The following SULT4A1 variants were observed in gnomAD, a reference collection of about 807,000 sequenced individuals.
The protein encoded by SULT4A1 is sulfotransferase 4A1.
SULT4A1 carries 11 observed loss-of-function variants against 35.2 expected under a neutral mutation model. The ratio of observed to expected loss-of-function variants is 0.31; its 90% confidence interval spans 0.20 to 0.52. The LOEUF (loss-of-function observed/expected upper bound fraction) is 0.52. Among genes scored for constraint, SULT4A1 ranks in the 20% least tolerant of loss-of-function variants. SULT4A1 has a pLI of 0.97. For missense variants in SULT4A1, 271 were observed against 383.7 expected (o/e 0.71, Z 2.45); for synonymous variants, 152 against 151.8 (o/e 1.00, Z -0.01).
chr22:43,862,071 G>T, intron 1 of SULT4A1, 143 bp downstream of exon 1: 1 of 196,080 alleles, frequency 5.1e-6, no homozygotes, highest in South Asian at 1.7e-4. Context: ...TCCGAGCATC[G>T]GGAGAGCGGT....
intron 1 of SULT4A1, among the ~76,000 whole-genome samples, chr22:43,854,884 C>T (rs1603409910): frequency 6.6e-6 from 1 of 152,340 alleles, no homozygotes; most frequent in East Asian, 1.9e-4. Flanking sequence ...TACGAAAGCA[C>T]ACCCGCTCAC....
At chr22:43,837,279 G>A (rs2063385041) in intron 4 of SULT4A1, among the ~76,000 whole-genome samples, 1 of 152,234 alleles carries the variant, frequency 6.6e-6, no homozygotes, top group African/African-American at 2.4e-5. Flanking sequence ...CTCAGTGGAG[G>A]ATGGGTCTGT....
At chr22:43,848,383 T>G (rs2063489713) in intron 1 of SULT4A1, among the ~76,000 whole-genome samples, 1 of 152,214 alleles carries the variant, frequency 6.6e-6, no homozygotes. Context: ...CGCCACAGTC[T>G]CACAGCAAAC....
At chr22:43,833,170 G>A (rs775123717) in intron 5 of SULT4A1, among the ~76,000 whole-genome samples, 5 of 151,930 alleles carry the variant, frequency 3.3e-5, no homozygotes, top group African/African-American at 9.7e-5. Context: ...CCTCTGCCTG[G>A]ACTAAGACCT....
rs573185801 is a variant in SULT4A1, at chr22:43,855,185, G to A, written c.169+7029C>T. Among the ~76,000 whole-genome samples, 9 of 152,350 alleles carry A rather than the reference G, an allele frequency of 5.9e-5. No individual in the cohort carries two copies. In the East Asian group the frequency reaches 9.7e-4, roughly 16 times the overall value. The stretch of plus-strand genomic sequence containing the variant: ...GGCACCACCCAAAGCCAGGCCCATT[G>A]GAAGGAGGTGGCAGCGCAGGGAGAT... On this transcript the variant is annotated intron_variant, in intron 1 of 6. Transcript: ENST00000330884.
chr22:43,852,229 C>T (rs999286694), intron 1 of SULT4A1, among the ~76,000 whole-genome samples: 1 of 152,138 alleles, frequency 6.6e-6, no homozygotes, highest in African/African-American at 2.4e-5. Context: ...GTGGCTCAGG[C>T]TGAACATGGC....
rs558001800 is a variant in SULT4A1 at position 43,829,370 on chromosome 22, C to T, written c.604-172G>A. Among the ~76,000 whole-genome samples, 14 of 152,346 alleles carry T rather than the reference C, an allele frequency of 9.2e-5. No individual in the cohort carries two copies. The South Asian group carries it at 1.9e-3, about 20-fold the overall frequency. On this transcript the variant is annotated intron_variant, in intron 5 of 6. Coordinates refer to ENST00000330884, the MANE Select transcript of SULT4A1 (RefSeq NM_014351.4). ...AAATAACACTAAGAGGTTAAGAAAT[C>T]GCCCAAGTGTGCTCAGCTCTCACGT... is the stretch of plus-strand genomic sequence containing the variant.
At chr22:43,840,105 C>G (rs2148288655) in intron 2 of SULT4A1, 80 bp from the exon 3 acceptor site, 5 of 936,722 alleles carry the variant, frequency 5.3e-6, no homozygotes, top group South Asian at 3.3e-5. Flanking sequence ...GGAAGGGGGC[C>G]AGAGGAGGAA....
In SULT4A1 at chr22:43,826,033, T is replaced by G; in HGVS notation, c.823A>C (p.Lys275Gln). Residue 275 changes from lysine (K) to glutamine (Q), a missense_variant, in exon 7 of 7, where the codon AAG becomes CAG. Lys to Gln is a moderately conservative substitution (Grantham distance 53). Transcript: ENST00000330884. ...TAAAAGTCAAACGTGAGGTCACACT[T>G]TCCCATCTTCTGTTTATACACCAAG... ...FDLVYKQKMG[K>Q]CDLTFDFYL 6.2e-7 allele frequency: 1 copy of G among 1,614,158 alleles called. No homozygotes were observed. Among genetic ancestry groups the G allele is most frequent in the East Asian group, 2.2e-5 (1 of 44,880 alleles).
chr22:43,860,499 T>C (rs573257258), intron 1 of SULT4A1, among the ~76,000 whole-genome samples: 36 of 152,304 alleles, frequency 2.4e-4, no homozygotes, highest in African/African-American at 8.2e-4. Context: ...AGGTGGTCTC[T>C]TCTCCCTCCG....
intron 1 of SULT4A1, among the ~76,000 whole-genome samples, chr22:43,856,104 G>A (rs1339463727): frequency 1.3e-5 from 2 of 152,224 alleles, no homozygotes; most frequent in Non-Finnish European, 2.9e-5. Flanking sequence ...CAGGTGCTCA[G>A]GAGAAAGAGT....
At chr22:43,849,150 C>A (rs2063495035) in intron 1 of SULT4A1, among the ~76,000 whole-genome samples, 2 of 152,178 alleles carry the variant, frequency 1.3e-5, no homozygotes, top group South Asian at 4.1e-4. Context: ...GGGCACAGAG[C>A]CCATCAAAAT....
intron 5 of SULT4A1, among the ~76,000 whole-genome samples, chr22:43,831,942 G>A (rs1332279168): frequency 1.3e-5 from 2 of 152,230 alleles, no homozygotes; most frequent in South Asian, 2.1e-4. Context: ...AGGCGGGCCC[G>A]TGCCAGGCCT....
intron 6 of SULT4A1, chr22:43,827,729 C>A: frequency 1.1e-6 from 1 of 920,732 alleles, no homozygotes. Context: ...CATATGGGCA[C>A]ACAGTATGTT....
intron 1 of SULT4A1, among the ~76,000 whole-genome samples, chr22:43,846,333 T>C (rs909309593): frequency 6.6e-6 from 1 of 152,216 alleles, no homozygotes; most frequent in Non-Finnish European, 1.5e-5. Context: ...GCTATCTACC[T>C]GCCCAGAAAA....
At chr22:43,827,493 C>G (rs1252768742) in intron 6 of SULT4A1, 1 of 1,307,010 alleles carries the variant, frequency 7.7e-7, no homozygotes. Flanking sequence ...CAGCTGAGAG[C>G]TCGTCAGAGG....
intron 3 of SULT4A1, 110 bp downstream of exon 3, chr22:43,839,835 C>T (rs1404871877): frequency 6.8e-6 from 7 of 1,025,438 alleles, no homozygotes; most frequent in Non-Finnish European, 8.9e-6. Flanking sequence ...CTTGGGAAGA[C>T]AGCCCCCAAG....
intron 2 of SULT4A1, 33 bp downstream of exon 2, chr22:43,841,769 G>A (rs1010789469): frequency 6.2e-7 from 1 of 1,604,154 alleles, no homozygotes. Flanking sequence ...ACCCTAAAGA[G>A]GTGCTGGGAC....
At chr22:43,839,022 G>A (rs1189563544) in intron 3 of SULT4A1, 29 bp from the exon 4 acceptor site, 22 of 1,610,006 alleles carry the variant, frequency 1.4e-5, no homozygotes, top group Middle Eastern at 1.6e-4. Context: ...GGATGAGTCC[G>A]TGTCTCCTTC....
Sources: gnomAD v4.1 joint callset for allele counts (sites outside exome capture counted in the v4.1 genomes callset) on GRCh38, gnomAD v4.1.1 for gene constraint, MANE v1.5 for transcripts, NCBI Gene and HGNC (gene_info 2026-07-23, HGNC 2026-07-21) for gene names.